Variants in SPECC1 observed in about 807,000 individuals in gnomAD.
SPECC1 encodes the protein cytospin-B.
In SPECC1, 62 loss-of-function variants were observed where a neutral mutation model predicts 104.1. The ratio of observed to expected loss-of-function variants is 0.60; its 90% CI spans 0.49 to 0.74. SPECC1 has a LOEUF of 0.74. SPECC1 is among the 30% of genes least tolerant of loss of function. The probability of loss-of-function intolerance (pLI) is 0.00; values close to 1 mark genes in which losing one functional copy is unlikely to be tolerated. For synonymous variants in SPECC1, 513 were observed against 501.6 expected (o/e 1.02, Z -0.30); for missense variants, 1,306 against 1,310.5 (o/e 1.00, Z 0.05).
At chr17:20,188,634 CTTTG>C (rs1316786844) in intron 3 of SPECC1, among the ~76,000 whole-genome samples, 1 of 152,160 alleles carries the variant, frequency 6.6e-6, no homozygotes, top group Admixed American at 6.5e-5. Flanking sequence ...GTCTCTCAGA[CTTTG>C]TTTCTTTATC....
At chr17:20,188,137 G>A (rs980130494) in intron 3 of SPECC1, among the ~76,000 whole-genome samples, 2 of 152,148 alleles carry the variant, frequency 1.3e-5, no homozygotes, top group Non-Finnish European at 2.9e-5. Context: ...TTAGTAGATG[G>A]CAACAGAAGT....
In SPECC1 at chr17:20,317,253, A is replaced by T. The variant is rs1203497481; in HGVS notation, c.*3188A>T. 2.1e-5 allele frequency: 1 copy of T among 47,424 alleles called. No homozygotes were observed. Among genetic ancestry groups the T allele is most frequent in the African/African-American group, 1.5e-4 (1 of 6,764 alleles). 2.9% of individuals were successfully genotyped at this position (47,424 alleles called of 1,614,324 possible). ...AACATGGCAAGACCTCTGACTCTATAAAAAAATTTTTTTTTTTTTTTTTTT... is the reference window on the plus strand; with the variant it reads ...AACATGGCAAGACCTCTGACTCTATTAAAAAATTTTTTTTTTTTTTTTTTT... On this transcript the variant is annotated 3_prime_UTR_variant, in exon 15 of 15. Coordinates refer to ENST00000395527, the MANE Select transcript of SPECC1 (RefSeq NM_001243439.2).
At chr17:20,262,911 G>T (rs1439651530) in intron 12 of SPECC1, among the ~76,000 whole-genome samples, 1 of 152,016 alleles carries the variant, frequency 6.6e-6, no homozygotes, top group Admixed American at 6.6e-5. Context: ...TTGAGAGGCC[G>T]AGGGGGCAGG....
intron 1 of SPECC1, among the ~76,000 whole-genome samples, chr17:20,065,883 C>G (rs2046340381): frequency 1.3e-5 from 2 of 152,106 alleles, no homozygotes; most frequent in Non-Finnish European, 1.5e-5. Context: ...TTTCCTGAGG[C>G]CTAAAGTGCC....
intron 3 of SPECC1, among the ~76,000 whole-genome samples, chr17:20,174,612 C>A (rs535827406): frequency 5.9e-5 from 9 of 152,156 alleles, no homozygotes; most frequent in Non-Finnish European, 1.2e-4. Flanking sequence ...GTCTCTCCCC[C>A]CCATCAGTCT....
At chr17:20,026,196 T>C (rs1278607484) in intron 1 of SPECC1, among the ~76,000 whole-genome samples, 5 of 151,922 alleles carry the variant, frequency 3.3e-5, no homozygotes, top group Admixed American at 1.3e-4. Flanking sequence ...TTTTCCTTTT[T>C]TTGTTGACGT....
At chr17:20,143,945 T>C (rs2031150493) in intron 3 of SPECC1, among the ~76,000 whole-genome samples, 1 of 152,230 alleles carries the variant, frequency 6.6e-6, no homozygotes, top group South Asian at 2.1e-4. Flanking sequence ...GGAGCCTCCT[T>C]CTGCCATTAG....
Position 20,318,082 on chromosome 17 carries a change from G to C in SPECC1, c.*4017G>C, listed in dbSNP as rs1040047152. ...CCTGAGGATTTCAAAGACCACAACA[G>C]CCACATTTCTTTCCATCTTCCCTCA... On this transcript the variant is annotated 3_prime_UTR_variant, in exon 15 of 15. Coordinates refer to ENST00000395527, the MANE Select transcript of SPECC1 (RefSeq NM_001243439.2). 1 of 231,196 alleles carries C rather than the reference G, an allele frequency of 4.3e-6. No homozygotes were observed. Among genetic ancestry groups the C allele is most frequent in the Non-Finnish European group, 8.6e-6 (1 of 116,820 alleles). The allele number at this position is 231,196 out of a possible 1,614,324, so 14.3% of individuals were successfully genotyped here.
chr17:20,192,705 A>T (rs2035753850), intron 3 of SPECC1, among the ~76,000 whole-genome samples: 1 of 152,196 alleles, frequency 6.6e-6, no homozygotes, highest in South Asian at 2.1e-4. Flanking sequence ...CAAGGATGAC[A>T]GTATTCATAT....
chr17:20,040,197 A>G (rs977328959), intron 1 of SPECC1, among the ~76,000 whole-genome samples: 2 of 152,078 alleles, frequency 1.3e-5, no homozygotes, highest in African/African-American at 4.8e-5. Context: ...ATTTATATAT[A>G]CTTACGTGTG....
At chr17:20,311,357 C>T (rs2041925880) in intron 14 of SPECC1, among the ~76,000 whole-genome samples, 1 of 151,870 alleles carries the variant, frequency 6.6e-6, no homozygotes, top group Non-Finnish European at 1.5e-5. Flanking sequence ...TTAGCACTAG[C>T]TAGAACTTCC....
At chr17:20,293,085 C>T (rs866657549) in intron 12 of SPECC1, among the ~76,000 whole-genome samples, 6 of 152,306 alleles carry the variant, frequency 3.9e-5, no homozygotes, top group Middle Eastern at 3.4e-3. Context: ...TGACATGTGA[C>T]ACCATCTCTT....
Position 20,245,943 on chromosome 17 carries a change from C to T in SPECC1, c.2369C>T (p.Pro790Leu). 1.2e-6 allele frequency: 2 copies of T among 1,614,142 alleles called. No homozygotes were observed. The highest frequency in any genetic ancestry group is 1.3e-5 in the African/African-American group (1 of 75,034). The change falls in exon 8 of 15, where the codon CCA becomes CTA. Residue 790 changes from proline to leucine, a missense_variant. Pro to Leu is a moderately conservative substitution (Grantham distance 98). Around this residue, in one of 2 missense-constraint regions of SPECC1, gnomAD observed 1,177 missense variants for 1,139.9 expected, o/e 1.03. Transcript: ENST00000395527. ...CCATGCAGACCTGTGGATGAAGAGC[C>T]AGAGTCCTCTGAGGTCGATGCTGCT... ...RAAPPPVDEEPESSEVDAAGR... is the reference protein window; with the variant it reads ...RAAPPPVDEELESSEVDAAGR...
intron 3 of SPECC1, among the ~76,000 whole-genome samples, chr17:20,189,089 G>T (rs564632888): frequency 1.1e-4 from 17 of 152,102 alleles, no homozygotes. Flanking sequence ...CACTTGCATC[G>T]AGCCTCCGTA....
intron 9 of SPECC1, among the ~76,000 whole-genome samples, chr17:20,250,835 A>G (rs2039597083): frequency 1.3e-5 from 2 of 152,022 alleles, no homozygotes; most frequent in Admixed American, 1.3e-4. Context: ...TCAGAGACAC[A>G]TGAAAAAGAT....
intron 5 of SPECC1, among the ~76,000 whole-genome samples, 164 bp downstream of exon 5, chr17:20,227,784 G>T (rs925799864): frequency 7.2e-5 from 11 of 152,108 alleles, no homozygotes; most frequent in Admixed American, 5.9e-4. Flanking sequence ...GCGTGGTGGT[G>T]GGCGCCTGTA....
intron 7 of SPECC1, among the ~76,000 whole-genome samples, chr17:20,244,917 T>C (rs1246988808): frequency 6.6e-6 from 1 of 152,180 alleles, no homozygotes; most frequent in Non-Finnish European, 1.5e-5. Flanking sequence ...GTCCCCTATA[T>C]GAGGAAGCCA....
chr17:20,201,436 C>A (rs1248304949), intron 3 of SPECC1, among the ~76,000 whole-genome samples: 1 of 152,070 alleles, frequency 6.6e-6, no homozygotes, highest in East Asian at 1.9e-4. Context: ...GAGCTGAGGT[C>A]GCACATTGCA....
At chr17:20,029,725 T>A (rs2152440652) in intron 1 of SPECC1, among the ~76,000 whole-genome samples, 1 of 152,336 alleles carries the variant, frequency 6.6e-6, no homozygotes, top group Admixed American at 6.5e-5. Context: ...TTCGTAGTAT[T>A]CTTTTCTAAT....
Sources: allele counts gnomAD v4.1 joint callset (sites outside exome capture counted in the v4.1 genomes callset), GRCh38; gene constraint gnomAD v4.1.1; regional missense constraint gnomAD v4.1.1; transcripts MANE v1.5; gene names NCBI Gene and HGNC (gene_info 2026-07-23, HGNC 2026-07-21).